ZNF502: variants seen among roughly 807,000 people sequenced by gnomAD.
ZNF502 encodes the protein zinc finger protein 502.
Under a neutral mutation model 43.6 loss-of-function variants are expected in ZNF502, and 29 were observed. That is an observed-to-expected ratio of 0.67 (90% CI 0.50 to 0.91). The LOEUF (loss-of-function observed/expected upper bound fraction) is 0.91. Among genes scored for constraint, ZNF502 ranks in the 40% least tolerant of loss-of-function variants. ZNF502 has a pLI of 0.00. For missense variants in ZNF502, 591 were observed against 647.2 expected, an observed-to-expected ratio of 0.91 and a Z score of 0.94; for synonymous variants, 171 against 207.4, an observed-to-expected ratio of 0.82 and a Z score of 1.51.
In ZNF502 at chr3:44,721,205, GA is replaced by G; in HGVS notation, c.391del (p.Thr131GlnfsTer78). Reference protein sequence around the residue: ...VSTEESLHQWETSNIQTNDIS... With the variant: ...VSTEESLHQWXTSNIQTNDIS... ...TACAGAAGAGAGTCTGCATCAGTGGGAAACAAGTAATATACAAACCAATGAT... is the reference window on the plus strand; with the variant it reads ...TACAGAAGAGAGTCTGCATCAGTGGGAACAAGTAATATACAAACCAATGAT... On this transcript the variant is annotated frameshift_variant, in exon 3 of 3. Coordinates refer to ENST00000436624, the MANE Select transcript of ZNF502 (RefSeq NM_001134442.3). LOFTEE classifies it high-confidence loss of function. 6.2e-7 allele frequency: 1 copy of G among 1,614,116 alleles called. No individual in the cohort carries two copies. Among genetic ancestry groups the G allele is most frequent in the Non-Finnish European group, 8.5e-7 (1 of 1,180,032 alleles).
At chr3:44,720,827 C>T (rs1487818634) in intron 2 of ZNF502, 46 bp from the exon 3 acceptor site, 1 of 1,540,966 alleles carries the variant, frequency 6.5e-7, no homozygotes, top group Non-Finnish European at 8.7e-7. Flanking sequence ...CAGGGGCCTT[C>T]ACTCTGCCCT....
chr3:44,713,500 G>A (rs1575536726), intron 1 of ZNF502, among the ~76,000 whole-genome samples: 1 of 152,126 alleles, frequency 6.6e-6, no homozygotes, highest in African/African-American at 2.4e-5. Context: ...CTGTATACCA[G>A]GCACTATTTG....
At chr3:44,720,170 C>T (rs982086064) in intron 1 of ZNF502, 33 bp from the exon 2 acceptor site, 1 of 1,372,792 alleles carries the variant, frequency 7.3e-7, no homozygotes, top group South Asian at 1.2e-5. Flanking sequence ...GTAATATTCC[C>T]TCCCTCCCTG....
rs1171536401 is a variant in ZNF502, at chr3:44,722,193, G to C, written c.1376G>C (p.Gly459Ala). 6.2e-7 allele frequency: 1 copy of C among 1,614,156 alleles called. No individual in the cohort carries two copies. The highest frequency in any genetic ancestry group is 8.5e-7 in the Non-Finnish European group (1 of 1,180,036). ...CLTQHMRIHT[G>A]EKPYKCKECG... The stretch of plus-strand genomic sequence containing the variant: ...ACTCAGCATATGAGAATTCATACTG[G>C]AGAGAAGCCCTATAAATGTAAAGAA... Residue 459 changes from glycine (G) to alanine (A), a missense_variant, in exon 3 of 3, where the codon GGA (glycine) becomes GCA (alanine). Physicochemically the swap from Gly to Ala is moderately conservative, Grantham distance 60 (BLOSUM62 0). Transcript: ENST00000436624.
Position 44,721,982 on chromosome 3 carries a change from A to G in ZNF502, c.1165A>G (p.Thr389Ala). 1 of 1,614,222 alleles carries G rather than the reference A, an allele frequency of 6.2e-7. No individual in the cohort carries two copies. The highest frequency in any genetic ancestry group is 8.5e-7 in the Non-Finnish European group (1 of 1,180,028). Reference sequence around the variant, plus strand: ...GTGTAAAGAATGTGGCAAAGCGTTTACTCAGAGCACCCCACTCACTAAACA... The same window carrying G: ...GTGTAAAGAATGTGGCAAAGCGTTTGCTCAGAGCACCCCACTCACTAAACA... ...YKCKECGKAFTQSTPLTKHQR... is the reference protein window; with the variant it reads ...YKCKECGKAFAQSTPLTKHQR... The change falls in exon 3 of 3, where the codon ACT becomes GCT. Residue 389 changes from threonine (T) to alanine (A), a missense_variant. Coordinates refer to ENST00000436624, the MANE Select transcript of ZNF502 (RefSeq NM_001134442.3).
At chr3:44,720,760 T>C (rs1191801621) in intron 2 of ZNF502, 113 bp from the exon 3 acceptor site, 3 of 1,201,108 alleles carry the variant, frequency 2.5e-6, no homozygotes, top group East Asian at 2.3e-5. Context: ...TTGCTGTTAC[T>C]GGCCCTTCAT....
intron 1 of ZNF502, among the ~76,000 whole-genome samples, chr3:44,714,233 C>G (rs1008183361): frequency 6.6e-6 from 1 of 152,118 alleles, no homozygotes; most frequent in Non-Finnish European, 1.5e-5. Flanking sequence ...CTATTAAGAG[C>G]CTGTTTCCTT....
Position 44,721,092 on chromosome 3 carries a change from A to G in ZNF502, c.275A>G (p.Glu92Gly), listed in dbSNP as rs145555267. ...GFGRITFIHK[E>G]APPEIISQGY... ...GGGAGAATAACTTTCATCCACAAAGAAGCACCCCCTGAAATTATTAGTCAA... is the reference window on the plus strand; with the variant it reads ...GGGAGAATAACTTTCATCCACAAAGGAGCACCCCCTGAAATTATTAGTCAA... Residue 92 changes from glutamate (E) to glycine (G), a missense_variant, in exon 3 of 3, where the codon GAA becomes GGA. Glu to Gly is a moderately conservative substitution (Grantham distance 98). Transcript: ENST00000436624. 1 of 1,614,166 alleles carries G rather than the reference A, an allele frequency of 6.2e-7. No homozygotes were observed. The highest frequency in any genetic ancestry group is 8.5e-7 in the Non-Finnish European group (1 of 1,180,014).
chr3:44,721,380 G>T lies in ZNF502; in HGVS notation c.563G>T (p.Cys188Phe). The part of the protein sequence containing the change: ...TGERPYTCEE[C>F]GKAFSRSSFL... The stretch of plus-strand genomic sequence containing the variant: ...GAGAGACCCTACACATGTGAGGAAT[G>T]TGGGAAAGCCTTTAGTCGTAGTTCA... Residue 188 changes from cysteine to phenylalanine, a missense_variant, in exon 3 of 3, where the codon TGT (cysteine) becomes TTT (phenylalanine). Physicochemically the swap from Cys to Phe is radical, Grantham distance 205. Transcript: ENST00000436624. 6.2e-7 allele frequency: 1 copy of T among 1,614,206 alleles called. No individual in the cohort carries two copies. The highest frequency in any genetic ancestry group is 8.5e-7 in the Non-Finnish European group (1 of 1,180,008).
intron 1 of ZNF502, among the ~76,000 whole-genome samples, chr3:44,716,105 G>A (rs1342159357): frequency 6.6e-6 from 1 of 151,756 alleles, no homozygotes; most frequent in Non-Finnish European, 1.5e-5. Context: ...AGTAACAGAA[G>A]AATTCTGTTT....
chr3:44,723,133 C>CA lies in ZNF502; in HGVS notation c.*682dup, dbSNP rs1225478998. On this transcript the variant is annotated 3_prime_UTR_variant, in exon 3 of 3. Coordinates refer to ENST00000436624, the MANE Select transcript of ZNF502 (RefSeq NM_001134442.3). The stretch of plus-strand genomic sequence containing the variant: ...GATTCTTCCAAGCTTTGAGGTGACT[C>CA]AGAGCTAAGAATGAAATAGGAGACC... The CA allele has an allele frequency of 3.3e-5, 5 of 152,144 alleles. No homozygotes were observed. Among genetic ancestry groups the CA allele is most frequent in the African/African-American group, 9.7e-5 (4 of 41,420 alleles). The allele number at this position is 152,144 out of a possible 1,614,324, so 9.4% of individuals were successfully genotyped here.
chr3:44,721,550 G>A lies in ZNF502; in HGVS notation c.733G>A (p.Gly245Arg), dbSNP rs1474188169. Residue 245 changes from glycine to arginine, a missense_variant, in exon 3 of 3, where the codon GGG (glycine) becomes AGG (arginine). Coordinates refer to ENST00000436624, the MANE Select transcript of ZNF502 (RefSeq NM_001134442.3). ...GAAACCTTATAAATGCAATGAATGTGGGAATTCCTTCCGCAATCACTCACA... is the reference window on the plus strand; with the variant it reads ...GAAACCTTATAAATGCAATGAATGTAGGAATTCCTTCCGCAATCACTCACA... ...GEKPYKCNEC[G>R]NSFRNHSHLT... 1.9e-6 allele frequency: 3 copies of A among 1,607,458 alleles called. No homozygotes were observed. The highest frequency in any genetic ancestry group is 2.6e-6 in the Non-Finnish European group (3 of 1,176,052).
Position 44,721,093 on chromosome 3 carries a change from A to C in ZNF502, c.276A>C (p.Glu92Asp). Residue 92 changes from glutamate (E) to aspartate (D), a missense_variant, in exon 3 of 3, where the codon GAA becomes GAC. Coordinates refer to ENST00000436624, the MANE Select transcript of ZNF502 (RefSeq NM_001134442.3). ...GFGRITFIHK[E>D]APPEIISQGY... ...GGAGAATAACTTTCATCCACAAAGA[A>C]GCACCCCCTGAAATTATTAGTCAAG... The C allele has an allele frequency of 6.2e-7, 1 of 1,614,192 alleles. No homozygotes were observed. The highest frequency in any genetic ancestry group is 8.5e-7 in the Non-Finnish European group (1 of 1,180,014).
chr3:44,718,220 T>C (rs570869079), intron 1 of ZNF502, among the ~76,000 whole-genome samples: 1 of 152,276 alleles, frequency 6.6e-6, no homozygotes, highest in South Asian at 2.1e-4. Flanking sequence ...TGCCTAATTA[T>C]CCTTGACATC....
At chr3:44,716,718 CT>C (rs1480315030) in intron 1 of ZNF502, among the ~76,000 whole-genome samples, 1 of 152,178 alleles carries the variant, frequency 6.6e-6, no homozygotes, top group Non-Finnish European at 1.5e-5. Flanking sequence ...CTCCCTGTAC[CT>C]TTGTGAATCT....
At position 44,721,743 on chromosome 3, in the gene ZNF502, A is replaced by T; in HGVS notation, c.926A>T (p.Asn309Ile). Residue 309 changes from asparagine to isoleucine, a missense_variant, in exon 3 of 3, where the codon AAT (asparagine) becomes ATT (isoleucine). Physicochemically the swap from Asn to Ile is moderately radical, Grantham distance 149. Transcript: ENST00000436624. ...ECGSSFRKHS[N>I]LTQHQRIHTG... ...GGCTCTTCTTTTCGAAAACACTCAA[A>T]TCTTACGCAACATCAGAGAATTCAC... is the stretch of plus-strand genomic sequence containing the variant. 1 of 1,612,736 alleles carries T rather than the reference A, an allele frequency of 6.2e-7. No homozygotes were observed. The highest frequency in any genetic ancestry group is 8.5e-7 in the Non-Finnish European group (1 of 1,179,142).
At position 44,722,216 on chromosome 3, in the gene ZNF502, G is replaced by C; in HGVS notation, c.1399G>C (p.Glu467Gln). The change falls in exon 3 of 3, where the codon GAA (glutamate) becomes CAA (glutamine). Residue 467 changes from glutamate to glutamine, a missense_variant. Physicochemically the swap from Glu to Gln is conservative, Grantham distance 29. Coordinates refer to ENST00000436624, the MANE Select transcript of ZNF502 (RefSeq NM_001134442.3). ...HTGEKPYKCK[E>Q]CGKAFAHSSS... ...TGGAGAGAAGCCCTATAAATGTAAA[G>C]AATGTGGGAAAGCCTTTGCTCATAG... 1.9e-6 allele frequency: 3 copies of C among 1,614,182 alleles called. No homozygotes were observed. Among genetic ancestry groups the C allele is most frequent in the Non-Finnish European group, 2.5e-6 (3 of 1,180,040 alleles).
At chr3:44,716,127 G>A (rs1704136064) in intron 1 of ZNF502, among the ~76,000 whole-genome samples, 1 of 151,616 alleles carries the variant, frequency 6.6e-6, no homozygotes, top group Non-Finnish European at 1.5e-5. Context: ...TCTTCTCTCT[G>A]GAAATTTACT....
chr3:44,717,017 A>T (rs1704163154), intron 1 of ZNF502, among the ~76,000 whole-genome samples: 1 of 152,154 alleles, frequency 6.6e-6, no homozygotes, highest in Non-Finnish European at 1.5e-5. Flanking sequence ...TATTTTGGAT[A>T]TACAGAGTAT....
Sources: gnomAD v4.1 joint callset for allele counts (sites outside exome capture counted in the v4.1 genomes callset) on GRCh38, gnomAD v4.1.1 for gene constraint, MANE v1.5 for transcripts, NCBI Gene and HGNC (gene_info 2026-07-23, HGNC 2026-07-21) for gene names.